SPATA6L: variants seen among roughly 807,000 people sequenced by gnomAD.
SPATA6L encodes spermatogenesis associated 6-like protein.
Under a neutral mutation model 49.2 loss-of-function variants are expected in SPATA6L, and 68 were observed. The ratio of observed to expected loss-of-function variants is 1.38; its 90% confidence interval spans 1.14 to 1.69. The LOEUF is 1.69. Ranked by LOEUF, SPATA6L falls within the 40% of genes most tolerant of loss-of-function variation. The pLI is 0.00. For synonymous variants in SPATA6L, 198 were observed against 165.7 expected (o/e 1.19, Z -1.50); for missense variants, 668 against 464.3 (o/e 1.44, Z -4.03).
intron 3 of SPATA6L, among the ~76,000 whole-genome samples, chr9:4,650,869 T>TGTGTGTGC (rs1554739997): frequency 8.4e-6 from 1 of 118,486 alleles, no homozygotes; most frequent in African/African-American, 3.3e-5. Flanking sequence ...TGTGTGTGTG[T>TGTGTGTGC]GTGTGTATTT....
At chr9:4,654,159 G>C (rs997919652) in intron 3 of SPATA6L, among the ~76,000 whole-genome samples, 2 of 152,148 alleles carry the variant, frequency 1.3e-5, no homozygotes, top group African/African-American at 4.8e-5. Context: ...AACAAGTGTC[G>C]GCCAGGATGT....
intron 3 of SPATA6L, among the ~76,000 whole-genome samples, chr9:4,643,647 A>T (rs920563917): frequency 1.3e-5 from 2 of 152,224 alleles, no homozygotes; most frequent in African/African-American, 4.8e-5. Context: ...ATACTATGGA[A>T]ATACTATTTA....
intron 2 of SPATA6L, among the ~76,000 whole-genome samples, chr9:4,657,796 T>A (rs1030492665): frequency 3.3e-5 from 5 of 152,178 alleles, no homozygotes; most frequent in African/African-American, 1.2e-4. Flanking sequence ...AGCTAAAGAT[T>A]AGTTGGCAGT....
chr9:4,644,681 T>TCACA (rs1480392426), intron 3 of SPATA6L, among the ~76,000 whole-genome samples: 1 of 132,170 alleles, frequency 7.6e-6, no homozygotes, highest in Non-Finnish European at 1.6e-5. Context: ...TCTCTCTCTC[T>TCACA]CTCTCACACA....
intron 9 of SPATA6L, among the ~76,000 whole-genome samples, chr9:4,606,204 C>T (rs540846303): frequency 2.7e-4 from 40 of 150,288 alleles, no homozygotes; most frequent in African/African-American, 4.2e-4. Flanking sequence ...AACTGCAAGG[C>T]GGCAGCGAGG....
intron 3 of SPATA6L, among the ~76,000 whole-genome samples, chr9:4,645,189 A>G (rs1835084765): frequency 6.6e-6 from 1 of 152,222 alleles, no homozygotes. Flanking sequence ...TCACAAAGTT[A>G]AACAGTTACC....
intron 2 of SPATA6L, among the ~76,000 whole-genome samples, chr9:4,661,190 G>T (rs971927799): frequency 3.9e-5 from 6 of 152,146 alleles, no homozygotes; most frequent in Non-Finnish European, 8.8e-5. Flanking sequence ...CTTCTCCCCA[G>T]ATCTCCCTCA....
In SPATA6L at chr9:4,625,397, G is replaced by A. The variant is rs771497673; in HGVS notation, c.599C>T (p.Pro200Leu). Residue 200 changes from proline (P) to leucine (L), a missense_variant, in exon 6 of 12, where the codon CCA (proline) becomes CTA (leucine). Pro to Leu is a moderately conservative substitution (Grantham distance 98, BLOSUM62 -3). Transcript: ENST00000682582. ...ATTATTTCCAAGGTTCAACTGAGCT[G>A]GCTGGTCCTGGAAGAAATGCCTGGT... ...YSTRHFFQDQPAQLNLGNNFK... is the reference protein window; with the variant it reads ...YSTRHFFQDQLAQLNLGNNFK... The A allele has an allele frequency of 6.2e-7, 1 of 1,614,140 alleles. No homozygotes were observed.
In SPATA6L at chr9:4,666,081, T is replaced by TG. The variant is rs1452673438; in HGVS notation, c.39+130dup. On this transcript the variant is annotated intron_variant, in intron 1 of 11. Coordinates refer to ENST00000682582, the MANE Select transcript of SPATA6L (RefSeq NM_001353486.2). ...ACCAATATGGAGAAAAAGACAAAGG[T>TG]GCGATCTGTCCCAGAAGATAATGAT... 4.9e-6 allele frequency: 4 copies of TG among 821,326 alleles called. No homozygotes were observed. In the African/African-American group the frequency reaches 6.8e-5, roughly 14 times the overall value. The allele number at this position is 821,326 out of a possible 1,614,324, so 50.9% of individuals were successfully genotyped here.
intron 13 of SPATA6L, among the ~76,000 whole-genome samples, chr9:4,589,141 G>A (rs755524152): frequency 1.3e-5 from 2 of 152,172 alleles, no homozygotes; most frequent in Non-Finnish European, 2.9e-5. Context: ...CCGAAACCTT[G>A]GTTTCCTCTT....
chr9:4,606,001 AGC>A (rs1437076289), intron 9 of SPATA6L, among the ~76,000 whole-genome samples: 1 of 152,166 alleles, frequency 6.6e-6, no homozygotes, highest in Non-Finnish European at 1.5e-5. Context: ...TCACTCGGGA[AGC>A]GCAAGGGGTC....
At chr9:4,642,431 T>C (rs540699377) in intron 3 of SPATA6L, among the ~76,000 whole-genome samples, 2 of 152,250 alleles carry the variant, frequency 1.3e-5, no homozygotes, top group South Asian at 4.1e-4. Context: ...TCCGTCTACC[T>C]ATGAAGGTAA....
Position 4,662,661 on chromosome 9 carries a change from C to T in SPATA6L, c.40-625G>A. On this transcript the variant is annotated intron_variant, in intron 1 of 11. Transcript: ENST00000682582. This position sits in a 1 kb window ranked among gnomAD's most constrained non-coding sequence, Gnocchi z 4.9. ...CGAGGAGGACCGCATGGACTTGAAC[C>T]CGTCCTTCCTGGGCATCGCCCTGCG... 1.2e-6 allele frequency: 2 copies of T among 1,600,056 alleles called. No homozygotes were observed. Among genetic ancestry groups the T allele is most frequent in the East Asian group, 2.2e-5 (1 of 44,870 alleles).
chr9:4,661,851 C>CTTAGG lies in SPATA6L; in HGVS notation c.177+47_177+48insCCTAA, dbSNP rs745905649. ...AAGAACTCTGTTCTTTATAAGAACT[C>CTTAGG]TCAGGTTATCTTCAGACAACAAAAG... On this transcript the variant is annotated intron_variant, in intron 2 of 11. Transcript: ENST00000682582. The CTTAGG allele has an allele frequency of 5.4e-5, 87 of 1,601,870 alleles. No homozygotes were observed. The African/African-American group carries it at 1.0e-3, about 18-fold the overall frequency.
intron 4 of SPATA6L, among the ~76,000 whole-genome samples, chr9:4,631,302 T>C (rs559580722): frequency 1.1e-4 from 17 of 152,154 alleles, no homozygotes; most frequent in Middle Eastern, 3.4e-3. Flanking sequence ...AATACATAAA[T>C]AAAAATAATT....
intron 2 of SPATA6L, among the ~76,000 whole-genome samples, chr9:4,660,175 C>T (rs560541792): frequency 3.2e-4 from 48 of 152,264 alleles, no homozygotes; most frequent in Middle Eastern, 3.4e-3. Context: ...CCAAAATTGA[C>T]AAATGGGATC....
intron 1 of SPATA6L, chr9:4,665,135 A>G (rs558257348): frequency 4.8e-5 from 8 of 167,234 alleles, no homozygotes; most frequent in African/African-American, 1.9e-4. Context: ...TAAAGCATAG[A>G]TCATTTCACC....
At chr9:4,643,936 G>A (rs1387535018) in intron 3 of SPATA6L, among the ~76,000 whole-genome samples, 1 of 152,020 alleles carries the variant, frequency 6.6e-6, no homozygotes, top group Non-Finnish European at 1.5e-5. Context: ...GAACACGGGA[G>A]GTGGATGTTA....
chr9:4,662,456 A>T lies in SPATA6L; in HGVS notation c.40-420T>A. On this transcript the variant is annotated intron_variant, in intron 1 of 11. Transcript: ENST00000682582. The surrounding 1 kb of genome is among the most constrained non-coding windows in gnomAD (Gnocchi z 4.9). ...GCAGCAGCAGCAGCCCCGGCAGCCC[A>T]GCCCATGGCGGCGGTGGCGGCGGCA... The T allele has an allele frequency of 6.5e-7, 1 of 1,547,302 alleles. No individual in the cohort carries two copies. Among genetic ancestry groups the T allele is most frequent in the Non-Finnish European group, 8.7e-7 (1 of 1,155,574 alleles).
Sources: gnomAD v4.1 joint callset for allele counts (sites outside exome capture counted in the v4.1 genomes callset) on GRCh38, gnomAD v4.1.1 for gene constraint, Gnocchi (gnomAD v3.1) non-coding constraint, MANE v1.5 for transcripts, NCBI Gene and HGNC (gene_info 2026-07-23, HGNC 2026-07-21) for gene names.